Variants in STXBP4 observed in about 807,000 individuals in gnomAD.
STXBP4 encodes syntaxin-binding protein 4.
STXBP4 carries 55 observed loss-of-function variants against 76.1 expected under a neutral mutation model. The ratio of observed to expected loss-of-function variants is 0.72; its 90% CI spans 0.58 to 0.91. The LOEUF (loss-of-function observed/expected upper bound fraction) is 0.91, where lower values mean the gene tolerates loss of function less well. STXBP4 is among the 40% of genes least tolerant of loss of function. The probability of loss-of-function intolerance (pLI) is 0.00; values close to 1 mark genes in which losing one functional copy is unlikely to be tolerated. For missense variants in STXBP4, 618 were observed against 636.9 expected (o/e 0.97, Z 0.32); for synonymous variants, 201 against 220.2 (o/e 0.91, Z 0.77).
At chr17:55,080,242 G>A (rs1240850352) in intron 15 of STXBP4, among the ~76,000 whole-genome samples, 3 of 152,160 alleles carry the variant, frequency 2.0e-5, no homozygotes, top group Admixed American at 6.6e-5. Flanking sequence ...TGGTGTCTTA[G>A]TAAATTAAAC....
At chr17:55,119,644 T>C (rs909167886) in intron 16 of STXBP4, among the ~76,000 whole-genome samples, 8 of 152,008 alleles carry the variant, frequency 5.3e-5, no homozygotes, top group Non-Finnish European at 7.4e-5. Context: ...TATATATTTA[T>C]GTGTTTTGAT....
At chr17:55,134,598 T>A (rs1002201973) in intron 16 of STXBP4, among the ~76,000 whole-genome samples, 1 of 152,114 alleles carries the variant, frequency 6.6e-6, no homozygotes, top group African/African-American at 2.4e-5. Flanking sequence ...GTCAGATGTG[T>A]TATTCATCAT....
chr17:55,057,084 A>G (rs2078933955), intron 12 of STXBP4, among the ~76,000 whole-genome samples: 1 of 152,216 alleles, frequency 6.6e-6, no homozygotes, highest in African/African-American at 2.4e-5. Context: ...ATCTAGCTTC[A>G]TAAACTTTCC....
chr17:55,026,561 A>T (rs1453326119), intron 8 of STXBP4, among the ~76,000 whole-genome samples: 1 of 152,218 alleles, frequency 6.6e-6, no homozygotes, highest in Non-Finnish European at 1.5e-5. Context: ...AGAGTGTAAG[A>T]TGGGTAGAGA....
intron 1 of STXBP4, among the ~76,000 whole-genome samples, chr17:54,980,446 A>C (rs1030263769): frequency 2.0e-5 from 3 of 152,246 alleles, no homozygotes; most frequent in African/African-American, 7.2e-5. Context: ...AAAGCAAGGA[A>C]AGAATGAAAC....
chr17:55,182,348 G>A, the STXBP4 span, among the ~76,000 whole-genome samples: 1 of 152,112 alleles, frequency 6.6e-6, no homozygotes, highest in Admixed American at 6.5e-5. Context: ...GTGTTTAACA[G>A]CAGTTAGGCA....
chr17:55,054,979 A>C (rs1163024530), intron 12 of STXBP4, among the ~76,000 whole-genome samples: 1 of 152,072 alleles, frequency 6.6e-6, no homozygotes, highest in Non-Finnish European at 1.5e-5. Context: ...GGTCAAAATA[A>C]ACCTTTTCTA....
chr17:55,180,170 A>G, the STXBP4 span, among the ~76,000 whole-genome samples: 9 of 152,180 alleles, frequency 5.9e-5, no homozygotes, highest in Non-Finnish European at 1.3e-4. Context: ...CAGAGTCATT[A>G]TGAAGGTTAA....
At chr17:55,000,671 A>G in intron 6 of STXBP4, 137 bp from the exon 7 acceptor site, 1 of 679,050 alleles carries the variant, frequency 1.5e-6, no homozygotes, top group South Asian at 1.7e-5. Context: ...TTGAAGATGC[A>G]TATACCAAAA....
At chr17:55,182,004 C>G in the STXBP4 span, among the ~76,000 whole-genome samples, 1 of 152,136 alleles carries the variant, frequency 6.6e-6, no homozygotes, top group Admixed American at 6.5e-5. Context: ...TCATTTCAGT[C>G]CCTGAAACTG....
chr17:55,087,059 T>C (rs1476830045), intron 16 of STXBP4, among the ~76,000 whole-genome samples: 1 of 152,218 alleles, frequency 6.6e-6, no homozygotes, highest in Non-Finnish European at 1.5e-5. Context: ...TTGTATGTCT[T>C]CTTTTGGGAA....
At chr17:54,992,374 C>G (rs1240736365) in intron 4 of STXBP4, among the ~76,000 whole-genome samples, 10 of 149,382 alleles carry the variant, frequency 6.7e-5, no homozygotes, top group Admixed American at 3.3e-4. Context: ...ATGATCGTGC[C>G]ACTGCACTCC....
intron 16 of STXBP4, among the ~76,000 whole-genome samples, chr17:55,105,126 G>T (rs2079615141): frequency 6.6e-6 from 1 of 152,050 alleles, no homozygotes; most frequent in African/African-American, 2.4e-5. Flanking sequence ...ATCTCCTTCA[G>T]TTCTGCTCTG....
In STXBP4 at chr17:55,141,438, A is replaced by G. The variant is rs898702412; in HGVS notation, c.1547+71A>G. 10 of 1,351,208 alleles carry G rather than the reference A, an allele frequency of 7.4e-6. No individual in the cohort carries two copies. In the East Asian group the frequency reaches 9.6e-5, roughly 13 times the overall value. The allele number at this position is 1,351,208 out of a possible 1,614,324, so 83.7% of individuals were successfully genotyped here. On this transcript the variant is annotated intron_variant, in intron 17 of 17. Transcript: ENST00000376352. Reference sequence around the variant, plus strand: ...GGAGAGAACCTGGAAGTTGCAGAATAATCAGCAAAACTAAGAAACCTTCTT... The same window carrying G: ...GGAGAGAACCTGGAAGTTGCAGAATGATCAGCAAAACTAAGAAACCTTCTT...
chr17:55,194,681 C>T, the STXBP4 span, among the ~76,000 whole-genome samples: 1 of 152,190 alleles, frequency 6.6e-6, no homozygotes, highest in East Asian at 1.9e-4. Flanking sequence ...ATCATAGGTT[C>T]CAGAAGGTCA....
Position 55,110,912 on chromosome 17 carries a change from A to G in STXBP4, c.1489+29729A>G, listed in dbSNP as rs111784414. Among the ~76,000 whole-genome samples, 33 of 152,334 alleles carry G rather than the reference A, an allele frequency of 2.2e-4. 2 individuals carry two copies. Among genetic ancestry groups the G allele is most frequent in the African/African-American group, 7.5e-4 (31 of 41,572 alleles). On this transcript the variant is annotated intron_variant, in intron 16 of 17. Transcript: ENST00000376352. The stretch of plus-strand genomic sequence containing the variant: ...CTGGAGATTGTTTTTAGTAGACAGT[A>G]AAGAGCCAGTGATGGACTTTCAGCA...
At chr17:55,129,080 C>A (rs913136888) in intron 16 of STXBP4, among the ~76,000 whole-genome samples, 35 of 151,952 alleles carry the variant, frequency 2.3e-4, no homozygotes, top group Non-Finnish European at 4.7e-4. Flanking sequence ...CAGACACTCG[C>A]CACCACACCC....
intron 16 of STXBP4, among the ~76,000 whole-genome samples, chr17:55,131,027 A>G (rs1400468719): frequency 6.6e-6 from 1 of 152,190 alleles, no homozygotes; most frequent in Non-Finnish European, 1.5e-5. Flanking sequence ...TTCTTTGGGT[A>G]TATACCCAGA....
chr17:55,040,211 G>A (rs923010674), intron 10 of STXBP4, among the ~76,000 whole-genome samples: 1 of 152,136 alleles, frequency 6.6e-6, no homozygotes, highest in Admixed American at 6.6e-5. Flanking sequence ...AAGAAAGTTG[G>A]TGGGGGCCAT....
Sources: allele counts gnomAD v4.1 joint callset (sites outside exome capture counted in the v4.1 genomes callset), GRCh38; gene constraint gnomAD v4.1.1; transcripts MANE v1.5; gene names NCBI Gene and HGNC (gene_info 2026-07-23, HGNC 2026-07-21).